NIN: variants seen among roughly 807,000 people sequenced by gnomAD.
NIN encodes glycogen synthase kinase 3 beta-interacting protein.
In NIN, 137 loss-of-function variants were observed where a neutral mutation model predicts 257.6. That is an observed-to-expected ratio of 0.53 (90% CI 0.46 to 0.61). NIN has a LOEUF of 0.61. Ranked by LOEUF, NIN falls within the 20% of genes least tolerant of loss-of-function variation. The pLI, the probability that NIN is intolerant of heterozygous loss-of-function variation, is 0.00. For missense variants in NIN, 2,439 were observed against 2,501.2 expected, an observed-to-expected ratio of 0.98 and a Z score of 0.53; for synonymous variants, 918 against 919.8, an observed-to-expected ratio of 1.00 and a Z score of 0.04.
In NIN at chr14:50,758,002, T is replaced by A. The variant is rs142365406; in HGVS notation, c.3028A>T (p.Thr1010Ser). The part of the protein sequence containing the change: ...TADRERAEMS[T>S]EISRLQSKIK... ...TTACTCTGAAGTCTGGAGATTTCTG[T>A]GCTCATCTCGGCTCTTTCTCGATCT... The change falls in exon 18 of 31, where the codon ACA (threonine) becomes TCA (serine). Residue 1010 changes from threonine (T) to serine (S), a missense_variant. Around this residue, in one of 3 missense-constraint regions of NIN, gnomAD observed 2,043 missense variants for 2,050.2 expected, o/e 1.00. Coordinates refer to ENST00000530997, the MANE Select transcript of NIN (RefSeq NM_020921.4). 1.2e-6 allele frequency: 2 copies of A among 1,614,104 alleles called. No individual in the cohort carries two copies. The highest frequency in any genetic ancestry group is 1.3e-5 in the African/African-American group (1 of 74,932).
At position 50,724,469 on chromosome 14, in the gene NIN, G is replaced by C. The variant is rs1022922978; in HGVS notation, c.6193-797C>G. Among the ~76,000 whole-genome samples the C allele has an allele frequency of 1.2e-4, 19 of 152,190 alleles. 1 individual carries two copies. The highest frequency in any genetic ancestry group is 1.2e-3 in the Admixed American group (19 of 15,280). On this transcript the variant is annotated intron_variant, in intron 30 of 30. Transcript: ENST00000530997. ...ACAGCACTCTCAAGCTCAGAACCTAGATGACTGGCAGACATCACATAACAT... is the reference window on the plus strand; with the variant it reads ...ACAGCACTCTCAAGCTCAGAACCTACATGACTGGCAGACATCACATAACAT...
chr14:50,807,363 G>T (rs1404354952), intron 3 of NIN, among the ~76,000 whole-genome samples: 1 of 152,126 alleles, frequency 6.6e-6, no homozygotes, highest in African/African-American at 2.4e-5. Context: ...ATGCACAAAG[G>T]ATAAAAGAAT....
At chr14:50,789,878 G>A (rs1484459753) in intron 5 of NIN, among the ~76,000 whole-genome samples, 1 of 152,184 alleles carries the variant, frequency 6.6e-6, no homozygotes, top group Non-Finnish European at 1.5e-5. Flanking sequence ...AAACAGGAAT[G>A]CTGTCTTGCC....
intron 2 of NIN, among the ~76,000 whole-genome samples, chr14:50,824,103 A>C (rs952393510): frequency 1.3e-5 from 2 of 152,208 alleles, no homozygotes; most frequent in Non-Finnish European, 2.9e-5. Flanking sequence ...CATAAAAGCA[A>C]GACTCTTCTT....
Position 50,786,249 on chromosome 14 carries a change from G to A in NIN, c.435+6463C>T, listed in dbSNP as rs1001425608. 5.3e-5 allele frequency among the ~76,000 whole-genome samples: 8 copies of A among 152,172 alleles called. No homozygotes were observed. In the East Asian group the frequency reaches 9.6e-4, roughly 18 times the overall value. ...CTGCTCCTCAGAGCTGCTAAGTAAC[G>A]AATACTACTTTTCTGTTGGAAAATA... On this transcript the variant is annotated intron_variant, in intron 5 of 30. Transcript: ENST00000530997.
intron 27 of NIN, among the ~76,000 whole-genome samples, chr14:50,737,610 T>G (rs2041051995): frequency 6.6e-6 from 1 of 150,912 alleles, no homozygotes; most frequent in Non-Finnish European, 1.5e-5. Flanking sequence ...ATTAATTGCC[T>G]TCTTTAAGAA....
rs2043659365 is a variant in NIN, at chr14:50,792,825, T to G, written c.322A>C (p.Arg108=). ...GACTCTTGGAACTCGGGCAAGGACCTTCGTCCGTAACGCTTCCCACCTCTA... is the reference window on the plus strand; with the variant it reads ...GACTCTTGGAACTCGGGCAAGGACCGTCGTCCGTAACGCTTCCCACCTCTA... The part of the protein sequence containing the change: ...YVRGGKRYGR[R]SLPEFQESVE... Residue 108 remains arginine, a synonymous_variant, in exon 5 of 31, where the codon AGG becomes CGG. Coordinates refer to ENST00000530997, the MANE Select transcript of NIN (RefSeq NM_020921.4). 6.2e-7 allele frequency: 1 copy of G among 1,614,096 alleles called. No individual in the cohort carries two copies. The highest frequency in any genetic ancestry group is 1.1e-5 in the South Asian group (1 of 91,092).
At chr14:50,809,172 G>A (rs2044468956) in intron 3 of NIN, among the ~76,000 whole-genome samples, 1 of 152,152 alleles carries the variant, frequency 6.6e-6, no homozygotes, top group Non-Finnish European at 1.5e-5. Context: ...AGTGAGCTGA[G>A]GTCAAGCCAC....
rs1242656850 is a variant in NIN at position 50,729,737 on chromosome 14, G to A, written c.5878-14C>T. The A allele has an allele frequency of 1.8e-5, 29 of 1,578,724 alleles. No individual in the cohort carries two copies. The highest frequency in any genetic ancestry group is 2.5e-5 in the Non-Finnish European group (29 of 1,162,264). ...CAGGTGCTGCATCTGAAGGACAAGG[G>A]CAAAGCCCTGTTCAGCTGAGTCCCT... On this transcript the variant is annotated splice_polypyrimidine_tract_variant and intron_variant, in intron 28 of 30. Transcript: ENST00000530997.
At chr14:50,807,295 A>G (rs1462904150) in intron 3 of NIN, among the ~76,000 whole-genome samples, 3 of 152,224 alleles carry the variant, frequency 2.0e-5, no homozygotes, top group Non-Finnish European at 4.4e-5. Flanking sequence ...GGGAAGGTAT[A>G]TAATATTTAT....
At chr14:50,752,797 A>C in intron 20 of NIN, 64 bp from the exon 21 acceptor site, 1 of 798,672 alleles carries the variant, frequency 1.3e-6, no homozygotes, top group Non-Finnish European at 2.0e-6. Flanking sequence ...AAAAAAAAAA[A>C]CAGATTTAGA....
chr14:50,728,845 A>G (rs770116176), intron 29 of NIN, among the ~76,000 whole-genome samples: 2 of 152,204 alleles, frequency 1.3e-5, no homozygotes, highest in Non-Finnish European at 2.9e-5. Flanking sequence ...CAAACAATGA[A>G]AAGATTTTTA....
At chr14:50,737,643 G>GTTT (rs1382332729) in intron 27 of NIN, among the ~76,000 whole-genome samples, 1 of 120,150 alleles carries the variant, frequency 8.3e-6, no homozygotes, top group African/African-American at 3.6e-5. Flanking sequence ...GTTTTTTGTT[G>GTTT]TTGTTTTTTT....
At chr14:50,733,779 A>C (rs1239975423) in intron 28 of NIN, among the ~76,000 whole-genome samples, 2 of 152,218 alleles carry the variant, frequency 1.3e-5, no homozygotes, top group Non-Finnish European at 2.9e-5. Context: ...TTCATCAGAA[A>C]AGCATGTCTA....
upstream of NIN, chr14:50,831,168 C>A (rs1331416936): frequency 6.6e-6 from 1 of 150,764 alleles, no homozygotes; most frequent in East Asian, 1.9e-4. Flanking sequence ...GGGCCGGGCC[C>A]GCGCGGGGAG....
At chr14:50,751,098 C>A (rs1277528407) in intron 21 of NIN, among the ~76,000 whole-genome samples, 1 of 152,054 alleles carries the variant, frequency 6.6e-6, no homozygotes, top group African/African-American at 2.4e-5. Context: ...TCTTTTCTTC[C>A]TTTTTCTTGA....
chr14:50,770,682 G>A, intron 11 of NIN, 120 bp from the exon 12 acceptor site: 1 of 1,364,324 alleles, frequency 7.3e-7, no homozygotes. Flanking sequence ...AATATCTAGT[G>A]TACCCTGCTT....
chr14:50,745,415 A>T (rs542081219), intron 22 of NIN, among the ~76,000 whole-genome samples: 3 of 152,254 alleles, frequency 2.0e-5, no homozygotes, highest in Non-Finnish European at 2.9e-5. Flanking sequence ...ACACTTCTTA[A>T]CCCTTTTCCA....
At chr14:50,758,738 A>G (rs965545227) in intron 17 of NIN, 108 bp from the exon 18 acceptor site, 4 of 992,936 alleles carry the variant, frequency 4.0e-6, no homozygotes, top group African/African-American at 1.6e-5. Flanking sequence ...CAACTGAAAT[A>G]CTCCCTAAAA....
Sources: allele counts gnomAD v4.1 joint callset (sites outside exome capture counted in the v4.1 genomes callset), GRCh38; gene constraint gnomAD v4.1.1; regional missense constraint gnomAD v4.1.1; transcripts MANE v1.5; gene names NCBI Gene and HGNC (gene_info 2026-07-23, HGNC 2026-07-21).